The following KANSL1L variants were observed in gnomAD, a reference collection of about 807,000 sequenced individuals.
KANSL1L encodes the protein KAT8 regulatory NSL complex subunit 1 like, also known as KAT8 regulatory NSL complex subunit 1-like protein.
In KANSL1L, 25 loss-of-function variants were observed where a neutral mutation model predicts 108.6. The ratio of observed to expected loss-of-function variants is 0.23; its 90% CI spans 0.17 to 0.32. The LOEUF is 0.32. Ranked by LOEUF, KANSL1L falls within the 10% of genes least tolerant of loss-of-function variation. The probability of loss-of-function intolerance (pLI) is 1.00; values close to 1 mark genes in which losing one functional copy is unlikely to be tolerated. For synonymous variants in KANSL1L, 405 were observed against 395.1 expected, an observed-to-expected ratio of 1.03 and a Z score of -0.30; for missense variants, 1,137 against 1,125.7, an observed-to-expected ratio of 1.01 and a Z score of -0.14.
At chr2:210,075,458 A>C in intron 6 of KANSL1L, 94 bp downstream of exon 6, 1 of 762,870 alleles carries the variant, frequency 1.3e-6, no homozygotes, top group East Asian at 2.6e-5. Flanking sequence ...ATTCAAAATA[A>C]GTGTTATGCT....
intron 8 of KANSL1L, among the ~76,000 whole-genome samples, chr2:210,031,801 T>G (rs1272280421): frequency 6.6e-6 from 1 of 152,204 alleles, no homozygotes; most frequent in Admixed American, 6.5e-5. Context: ...TTACAGAAAC[T>G]TGATAGAGTG....
intron 5 of KANSL1L, chr2:210,088,272 C>T (rs2094657983): frequency 6.6e-6 from 1 of 152,272 alleles, no homozygotes. Flanking sequence ...GAGAAGAAGC[C>T]TGAAGGCAAG....
At chr2:210,061,593 C>A (rs990423418) in intron 6 of KANSL1L, among the ~76,000 whole-genome samples, 1 of 152,070 alleles carries the variant, frequency 6.6e-6, no homozygotes, top group African/African-American at 2.4e-5. Flanking sequence ...CTATGCCTAC[C>A]AGTGTATTTT....
At chr2:210,057,024 T>G (rs2094358885) in intron 6 of KANSL1L, among the ~76,000 whole-genome samples, 1 of 152,228 alleles carries the variant, frequency 6.6e-6, no homozygotes, top group Non-Finnish European at 1.5e-5. Context: ...CCTGTGTGTA[T>G]GCCCCTATTT....
chr2:210,131,334 T>C (rs2095118210), intron 2 of KANSL1L, among the ~76,000 whole-genome samples: 1 of 152,168 alleles, frequency 6.6e-6, no homozygotes, highest in African/African-American at 2.4e-5. Flanking sequence ...AAAGAATGGA[T>C]TCAAGGTTCA....
At position 210,044,111 on chromosome 2, in the gene KANSL1L, G is replaced by C; in HGVS notation, c.1756-7C>G. ...TTTCTTTTGAAGGCAAAGTCTGCAA[G>C]GAAAAACCGTATTAGAATATCACAG... On this transcript the variant is annotated splice_region_variant and splice_polypyrimidine_tract_variant and intron_variant, in intron 6 of 14. Transcript: ENST00000281772. This position sits in a 1 kb window ranked among gnomAD's most constrained non-coding sequence, Gnocchi z 4.2. The C allele has an allele frequency of 6.4e-7, 1 of 1,567,820 alleles. No individual in the cohort carries two copies. The highest frequency in any genetic ancestry group is 1.2e-5 in the South Asian group (1 of 83,012).
intron 3 of KANSL1L, among the ~76,000 whole-genome samples, chr2:210,127,519 G>A (rs1343509708): frequency 2.6e-5 from 4 of 152,066 alleles, no homozygotes. Context: ...GAACAAGGCT[G>A]AGCACAGGGG....
chr2:210,090,737 T>A (rs932781184), intron 5 of KANSL1L, among the ~76,000 whole-genome samples: 2 of 152,102 alleles, frequency 1.3e-5, no homozygotes, highest in Non-Finnish European at 2.9e-5. Flanking sequence ...CTCACTATAT[T>A]GTCTAGGCTG....
At chr2:210,105,375 AT>A (rs796202614) in intron 3 of KANSL1L, among the ~76,000 whole-genome samples, 5,450 of 146,522 alleles carry the variant, frequency 0.037, 279 homozygotes, top group African/African-American at 0.12. Flanking sequence ...TTGAAAAAAA[AT>A]ATATATATAT....
At chr2:210,137,515 AGAAT>A (rs1314420275) in intron 2 of KANSL1L, among the ~76,000 whole-genome samples, 3 of 152,366 alleles carry the variant, frequency 2.0e-5, no homozygotes, top group South Asian at 2.1e-4. Flanking sequence ...ATGCTGTAAC[AGAAT>A]GAATTACATA....
intron 2 of KANSL1L, among the ~76,000 whole-genome samples, chr2:210,139,189 A>T (rs894279307): frequency 6.6e-6 from 1 of 152,242 alleles, no homozygotes; most frequent in African/African-American, 2.4e-5. Flanking sequence ...TTGAGCCATC[A>T]TAAGTCAGGG....
chr2:210,074,925 A>T (rs2094532024), intron 6 of KANSL1L, among the ~76,000 whole-genome samples: 1 of 152,186 alleles, frequency 6.6e-6, no homozygotes. Flanking sequence ...TTTGCTTTTC[A>T]TCACAGCTGG....
chr2:210,110,886 T>C (rs1471885261), intron 3 of KANSL1L, among the ~76,000 whole-genome samples: 1 of 151,998 alleles, frequency 6.6e-6, no homozygotes, highest in Admixed American at 6.6e-5. Context: ...CTGAGGCAGG[T>C]GGATAGCTTG....
chr2:210,075,601 T>C lies in KANSL1L; in HGVS notation c.1706A>G (p.His569Arg), dbSNP rs952263627. 3 of 1,614,108 alleles carry C rather than the reference T, an allele frequency of 1.9e-6. No homozygotes were observed. The highest frequency in any genetic ancestry group is 1.7e-6 in the Non-Finnish European group (2 of 1,180,002). Reference protein sequence around the residue: ...SARTRPLQSFHKRKLYRLSPT... With the variant: ...SARTRPLQSFRKRKLYRLSPT... The stretch of plus-strand genomic sequence containing the variant: ...GCTCAATCTGTACAGTTTTCGTTTG[T>C]GGAAACTCTGAAGTGGCCTTGTTCG... The change falls in exon 6 of 15, where the codon CAC becomes CGC. Residue 569 changes from histidine (H) to arginine (R), a missense_variant. This residue lies in a region of KANSL1L where 575 missense variants were observed against 567.1 expected (regional missense o/e 1.01). Coordinates refer to ENST00000281772, the MANE Select transcript of KANSL1L (RefSeq NM_152519.4).
At chr2:210,029,453 CAAA>C (rs764487578) in intron 10 of KANSL1L, among the ~76,000 whole-genome samples, 14 of 151,374 alleles carry the variant, frequency 9.2e-5, no homozygotes, top group Non-Finnish European at 2.9e-5. Context: ...GGCCAGATAA[CAAA>C]AAAACAAACA....
chr2:210,027,062 C>T lies in KANSL1L; in HGVS notation c.2451+234G>A, dbSNP rs967012703. 1.4e-4 allele frequency among the ~76,000 whole-genome samples: 22 copies of T among 152,152 alleles called. 1 individual carries two copies. The highest frequency in any genetic ancestry group is 5.2e-4 in the Admixed American group (8 of 15,270). On this transcript the variant is annotated intron_variant, in intron 12 of 14. Coordinates refer to ENST00000281772, the MANE Select transcript of KANSL1L (RefSeq NM_152519.4). The stretch of plus-strand genomic sequence containing the variant: ...CTGGGATTACAGGCATTAGCCACCG[C>T]GCCCGGCCTTGGCTTTTTAAATTAT...
chr2:210,154,524 C>G lies in KANSL1L; in HGVS notation c.59G>C (p.Ser20Thr), dbSNP rs2095322815. The stretch of plus-strand genomic sequence containing the variant: ...GAGCATCTTGTCAGACTCCATGGTA[C>G]TTGGCAAAGATGAAAAGCTGATACC... The part of the protein sequence containing the change: ...AKGISFSSLP[S>T]TMESDKMLYM... The change falls in exon 2 of 15, where the codon AGT (serine) becomes ACT (threonine). Residue 20 changes from serine to threonine, a missense_variant. Coordinates refer to ENST00000281772, the MANE Select transcript of KANSL1L (RefSeq NM_152519.4). 1 of 1,585,788 alleles carries G rather than the reference C, an allele frequency of 6.3e-7. No individual in the cohort carries two copies. The highest frequency in any genetic ancestry group is 1.4e-5 in the African/African-American group (1 of 73,754).
At position 210,030,106 on chromosome 2, in the gene KANSL1L, T is replaced by C. The variant is rs560450839; in HGVS notation, c.2156-188A>G. Among the ~76,000 whole-genome samples the C allele has an allele frequency of 7.2e-5, 11 of 152,150 alleles. No homozygotes were observed. The South Asian group carries it at 2.3e-3, about 32-fold the overall frequency. ...ACTTGCAGTCATGCCACAAGTTATT[T>C]CCATTTTCTGGGGCTTTGGCAGTTT... On this transcript the variant is annotated intron_variant, in intron 9 of 14. Coordinates refer to ENST00000281772, the MANE Select transcript of KANSL1L (RefSeq NM_152519.4).
At chr2:210,043,605 C>A (rs1423698705) in intron 7 of KANSL1L, 1 of 175,054 alleles carries the variant, frequency 5.7e-6, no homozygotes, top group Non-Finnish European at 1.2e-5. Flanking sequence ...AAAAAGAACA[C>A]TGAATTACCA....
Sources: allele counts gnomAD v4.1 joint callset (sites outside exome capture counted in the v4.1 genomes callset), GRCh38; gene constraint gnomAD v4.1.1; regional missense constraint gnomAD v4.1.1; non-coding constraint Gnocchi (gnomAD v3.1); transcripts MANE v1.5; gene names NCBI Gene and HGNC (gene_info 2026-07-23, HGNC 2026-07-21).